ZFPM2: variants seen among roughly 807,000 people sequenced by gnomAD.
ZFPM2 encodes the protein zinc finger protein, FOG family member 2, also known as zinc finger protein ZFPM2.
In ZFPM2, 20 loss-of-function variants were observed where a neutral mutation model predicts 98.6. The ratio of observed to expected loss-of-function variants is 0.20; its 90% CI spans 0.14 to 0.29. ZFPM2 has a LOEUF of 0.29. ZFPM2 is among the 10% of genes least tolerant of loss of function. The pLI is 1.00. For missense variants in ZFPM2, 1,310 were observed against 1,388.6 expected (o/e 0.94, Z 0.90); for synonymous variants, 518 against 502.7 (o/e 1.03, Z -0.41).
chr8:105,594,674 A>G lies in ZFPM2; in HGVS notation c.420+33193A>G, dbSNP rs555574007. Among the ~76,000 whole-genome samples, 13 of 152,242 alleles carry G rather than the reference A, an allele frequency of 8.5e-5. No individual in the cohort carries two copies. In the South Asian group the frequency reaches 1.2e-3, roughly 15 times the overall value. ...CGCAAAGCTAATTAATGTACAAATT[A>G]TGGATTTGAACTCAGATATGACTTC... On this transcript the variant is annotated intron_variant, in intron 4 of 7. Coordinates refer to ENST00000407775, the MANE Select transcript of ZFPM2 (RefSeq NM_012082.4).
At chr8:105,411,044 C>T (rs1046321592) in intron 1 of ZFPM2, among the ~76,000 whole-genome samples, 6 of 151,724 alleles carry the variant, frequency 4.0e-5, no homozygotes, top group Admixed American at 6.6e-5. Flanking sequence ...CTTTCTCCAA[C>T]GATAGTAAAA....
At chr8:105,690,670 T>TA in intron 5 of ZFPM2, among the ~76,000 whole-genome samples, 1 of 152,070 alleles carries the variant, frequency 6.6e-6, no homozygotes, top group South Asian at 2.1e-4. Context: ...CCACAGAAAC[T>TA]AATATCTCTC....
chr8:105,360,056 T>G (rs1812827950), intron 1 of ZFPM2, among the ~76,000 whole-genome samples: 1 of 152,178 alleles, frequency 6.6e-6, no homozygotes, highest in African/African-American at 2.4e-5. Context: ...GCACTTAGGT[T>G]GGTTTCATTT....
At chr8:105,736,892 G>A (rs1812085445) in intron 5 of ZFPM2, among the ~76,000 whole-genome samples, 1 of 151,912 alleles carries the variant, frequency 6.6e-6, no homozygotes, top group Admixed American at 6.6e-5. Context: ...TAAAATATCA[G>A]TTTCTCTTCA....
At chr8:105,731,272 C>T (rs1811930796) in intron 5 of ZFPM2, among the ~76,000 whole-genome samples, 1 of 151,356 alleles carries the variant, frequency 6.6e-6, no homozygotes, top group African/African-American at 2.4e-5. Flanking sequence ...TTTTTCCACT[C>T]CATGCCAAAT....
At position 105,644,296 on chromosome 8, in the gene ZFPM2, T is replaced by A. The variant is rs149348265; in HGVS notation, c.532+9939T>A. 1.6e-4 allele frequency among the ~76,000 whole-genome samples: 20 copies of A among 126,304 alleles called. 1 individual carries two copies. The highest frequency in any genetic ancestry group is 3.4e-4 in the African/African-American group (13 of 38,048). The allele number at this position is 126,304 out of a possible 152,430, so 82.9% of individuals were successfully genotyped here. On this transcript the variant is annotated intron_variant, in intron 5 of 7. Transcript: ENST00000407775. ...TTTCTTTCTTTTCTTTTTTTTTTTT[T>A]TAAAAAAAAAACAGGGTTTTGCCAT... is the stretch of plus-strand genomic sequence containing the variant.
chr8:105,368,541 T>A (rs563824328), intron 1 of ZFPM2, among the ~76,000 whole-genome samples: 53 of 152,298 alleles, frequency 3.5e-4, no homozygotes, highest in African/African-American at 1.2e-3. Context: ...ACCAAGCAAA[T>A]GAGAGAAACA....
chr8:105,382,731 A>G (rs1810911837), intron 1 of ZFPM2, among the ~76,000 whole-genome samples: 2 of 152,096 alleles, frequency 1.3e-5, no homozygotes, highest in African/African-American at 4.8e-5. Flanking sequence ...GTTAGACATA[A>G]CTTACTTGGC....
chr8:105,651,406 T>A (rs996101769), intron 5 of ZFPM2, among the ~76,000 whole-genome samples: 1 of 150,680 alleles, frequency 6.6e-6, no homozygotes, highest in Non-Finnish European at 1.5e-5. Flanking sequence ...AGTTGGAGGT[T>A]GCAGTGAGCT....
At chr8:105,638,334 C>G (rs1158815874) in intron 5 of ZFPM2, among the ~76,000 whole-genome samples, 1 of 151,962 alleles carries the variant, frequency 6.6e-6, no homozygotes, top group Non-Finnish European at 1.5e-5. Context: ...GAGGTAGTTC[C>G]CTAAATAAAA....
intron 3 of ZFPM2, among the ~76,000 whole-genome samples, chr8:105,492,594 A>T (rs1813378746): frequency 6.6e-6 from 1 of 152,154 alleles, no homozygotes; most frequent in Non-Finnish European, 1.5e-5. Context: ...GTATTTTAGT[A>T]CCATCAGTGT....
chr8:105,471,632 G>C (rs1812905188), intron 3 of ZFPM2, among the ~76,000 whole-genome samples: 1 of 152,172 alleles, frequency 6.6e-6, no homozygotes, highest in African/African-American at 2.4e-5. Flanking sequence ...ATTGGGGTTT[G>C]AGGGTGGTGA....
intron 4 of ZFPM2, among the ~76,000 whole-genome samples, chr8:105,565,000 A>T (rs1376996624): frequency 1.3e-5 from 2 of 152,096 alleles, no homozygotes; most frequent in Non-Finnish European, 2.9e-5. Context: ...TCAAATTTGG[A>T]TTAGCGCACT....
At chr8:105,578,012 C>T (rs1815505743) in intron 4 of ZFPM2, among the ~76,000 whole-genome samples, 1 of 152,020 alleles carries the variant, frequency 6.6e-6, no homozygotes. Flanking sequence ...CAGTATTTAT[C>T]TCTAGACTTA....
intron 5 of ZFPM2, among the ~76,000 whole-genome samples, chr8:105,763,970 C>T (rs185055929): frequency 6.6e-6 from 1 of 151,926 alleles, no homozygotes; most frequent in Admixed American, 6.6e-5. Context: ...AGAAAATCTG[C>T]TCTTCCCAGA....
intron 5 of ZFPM2, among the ~76,000 whole-genome samples, chr8:105,640,286 T>C (rs1005693918): frequency 1.4e-4 from 21 of 151,182 alleles, no homozygotes; most frequent in African/African-American, 5.1e-4. Flanking sequence ...CAAATTTGCA[T>C]ACATATTTAT....
chr8:105,538,290 A>G (rs1174363060), intron 3 of ZFPM2, among the ~76,000 whole-genome samples: 3 of 152,018 alleles, frequency 2.0e-5, no homozygotes, highest in Non-Finnish European at 4.4e-5. Context: ...GAAGAAAGAA[A>G]CTATACCCCT....
At chr8:105,682,098 A>C (rs1182303601) in intron 5 of ZFPM2, among the ~76,000 whole-genome samples, 2 of 152,242 alleles carry the variant, frequency 1.3e-5, no homozygotes, top group Admixed American at 6.5e-5. Context: ...TTGAAATTAT[A>C]AGGGAATAAT....
At position 105,484,971 on chromosome 8, in the gene ZFPM2, C is replaced by G. The variant is rs531870846; in HGVS notation, c.301+40590C>G. Among the ~76,000 whole-genome samples the G allele has an allele frequency of 2.3e-4, 35 of 152,254 alleles. 1 individual carries two copies. Among genetic ancestry groups the G allele is most frequent in the African/African-American group, 8.2e-4 (34 of 41,534 alleles). ...ACAATATAAACTCTACAGCCAAACCCTGATAAAGACAGACTAGTGGGCCAA... is the reference window on the plus strand; with the variant it reads ...ACAATATAAACTCTACAGCCAAACCGTGATAAAGACAGACTAGTGGGCCAA... On this transcript the variant is annotated intron_variant, in intron 3 of 7. Transcript: ENST00000407775.
Sources: allele counts gnomAD v4.1 joint callset (sites outside exome capture counted in the v4.1 genomes callset), GRCh38; gene constraint gnomAD v4.1.1; transcripts MANE v1.5; gene names NCBI Gene and HGNC (gene_info 2026-07-23, HGNC 2026-07-21).